The following NOC3L variants were observed in gnomAD, a reference collection of about 807,000 sequenced individuals.
NOC3L encodes nucleolar complex protein 3 homolog.
In NOC3L, 85 loss-of-function variants were observed where a neutral mutation model predicts 102.5. The ratio of observed to expected loss-of-function variants is 0.83; its 90% confidence interval spans 0.70 to 0.99. The LOEUF (loss-of-function observed/expected upper bound fraction) is 0.99. Ranked by LOEUF, NOC3L falls within the 50% of genes least tolerant of loss-of-function variation. The probability of loss-of-function intolerance (pLI) is 0.00; values close to 1 mark genes in which losing one functional copy is unlikely to be tolerated. For missense variants in NOC3L, 878 were observed against 914.9 expected (o/e 0.96, Z 0.52); for synonymous variants, 303 against 309.4 (o/e 0.98, Z 0.22).
chr10:94,344,994 G>C (rs1439646752), intron 11 of NOC3L, 61 bp from the exon 12 acceptor site: 5 of 1,151,616 alleles, frequency 4.3e-6, no homozygotes, highest in East Asian at 2.4e-5. Flanking sequence ...AAAAAGCAGA[G>C]GCAGAATACG....
chr10:94,341,075 A>T (rs1244568776), intron 14 of NOC3L, among the ~76,000 whole-genome samples: 1 of 151,952 alleles, frequency 6.6e-6, no homozygotes, highest in African/African-American at 2.4e-5. Flanking sequence ...AAAAGGCTAA[A>T]GTGGGAGGAT....
In NOC3L at chr10:94,345,721, T is replaced by C. The variant is rs1589570158; in HGVS notation, c.1389+704A>G. On this transcript the variant is annotated intron_variant, in intron 11 of 20. Transcript: ENST00000371361. ...TAAGTCTATTTTGATACTTCCATCA[T>C]GTTTTCAAAATTAGACCCATTCAAA... Among the ~76,000 whole-genome samples, 4 of 152,180 alleles carry C rather than the reference T, an allele frequency of 2.6e-5. No homozygotes were observed. In the South Asian group the frequency reaches 8.3e-4, roughly 31 times the overall value.
intron 14 of NOC3L, among the ~76,000 whole-genome samples, chr10:94,341,102 G>A (rs1331702180): frequency 1.3e-5 from 2 of 151,970 alleles, no homozygotes; most frequent in East Asian, 1.9e-4. Context: ...AGCCCTGGAA[G>A]GTCAAGGCTG....
At chr10:94,354,708 C>T (rs1456228817) in intron 6 of NOC3L, among the ~76,000 whole-genome samples, 2 of 152,068 alleles carry the variant, frequency 1.3e-5, no homozygotes, top group African/African-American at 4.8e-5. Flanking sequence ...ATAAGATGTC[C>T]AGTATTTTCA....
chr10:94,355,792 C>G (rs1439780407), intron 5 of NOC3L, among the ~76,000 whole-genome samples: 1 of 151,940 alleles, frequency 6.6e-6, no homozygotes, highest in South Asian at 2.1e-4. Flanking sequence ...ACAGAATATT[C>G]TCCTTTGTTT....
chr10:94,361,823 C>G lies in NOC3L; in HGVS notation c.59G>C (p.Ser20Thr). 1 of 1,613,676 alleles carries G rather than the reference C, an allele frequency of 6.2e-7. No individual in the cohort carries two copies. The highest frequency in any genetic ancestry group is 1.1e-5 in the South Asian group (1 of 91,014). Residue 20 changes from serine to threonine, a missense_variant, in exon 2 of 21, where the codon AGT becomes ACT. Transcript: ENST00000371361. ...TAGCTTGTTTTCAAGTTTGACTTTA[C>G]TAGTTTTTATTAACTTGCGAAAGCT... ...IPSFRKLIKT[S>T]KVKLENKLKN...
intron 13 of NOC3L, among the ~76,000 whole-genome samples, chr10:94,343,124 CTACA>C (rs1278031280): frequency 6.6e-6 from 1 of 151,034 alleles, no homozygotes; most frequent in Non-Finnish European, 1.5e-5. Context: ...CGCAGACAGA[CTACA>C]TACATATATA....
chr10:94,360,731 G>T (rs2054543095), intron 2 of NOC3L, among the ~76,000 whole-genome samples: 1 of 152,072 alleles, frequency 6.6e-6, no homozygotes, highest in South Asian at 2.1e-4. Context: ...AAAGATAAAT[G>T]CTTGAGGTGA....
the NOC3L span, among the ~76,000 whole-genome samples, chr10:94,323,333 T>A: frequency 6.6e-6 from 1 of 152,232 alleles, no homozygotes; most frequent in Non-Finnish European, 1.5e-5. Context: ...AGACCCTAGA[T>A]CAAGCTGTGT....
chr10:94,354,749 G>C (rs1484067478), intron 6 of NOC3L, among the ~76,000 whole-genome samples: 1 of 152,166 alleles, frequency 6.6e-6, no homozygotes, highest in African/African-American at 2.4e-5. Flanking sequence ...AAGATTCAGA[G>C]AGTTTAAGTA....
rs924000105 is a variant in NOC3L at position 94,358,011 on chromosome 10, C to T, written c.350+72G>A. 5.4e-6 allele frequency: 5 copies of T among 921,490 alleles called. No individual in the cohort carries two copies. In the African/African-American group the frequency reaches 6.6e-5, roughly 12 times the overall value. The allele number at this position is 921,490 out of a possible 1,614,324, so 57.1% of individuals were successfully genotyped here. On this transcript the variant is annotated intron_variant, in intron 3 of 20. Coordinates refer to ENST00000371361, the MANE Select transcript of NOC3L (RefSeq NM_022451.11). ...CTCAAAGGTGAACACCTTGAACCAC[C>T]TAAGTGAAATTCAGAACCAAGTTTT...
intron 11 of NOC3L, 35 bp from the exon 12 acceptor site, chr10:94,344,968 A>T: frequency 6.7e-7 from 1 of 1,483,812 alleles, no homozygotes; most frequent in Non-Finnish European, 9.3e-7. Context: ...ATCTAAGAGC[A>T]TATACCACAG....
chr10:94,354,658 T>A (rs1344586066), intron 6 of NOC3L, among the ~76,000 whole-genome samples: 1 of 152,210 alleles, frequency 6.6e-6, no homozygotes, highest in South Asian at 2.1e-4. Context: ...AGGTTCCTCC[T>A]CCCTAATACA....
At chr10:94,344,582 G>A (rs2054322220) in intron 12 of NOC3L, 67 bp from the exon 13 acceptor site, 1 of 1,108,004 alleles carries the variant, frequency 9.0e-7, no homozygotes, top group South Asian at 1.4e-5. Context: ...GTGAGCATAA[G>A]TATCACTTCA....
intron 9 of NOC3L, 119 bp from the exon 10 acceptor site, chr10:94,349,497 G>A: frequency 2.5e-6 from 2 of 785,732 alleles, no homozygotes; most frequent in Non-Finnish European, 3.7e-6. Flanking sequence ...AGCCTCCATG[G>A]ACTTTCTCCA....
the NOC3L span, among the ~76,000 whole-genome samples, chr10:94,327,574 T>C: frequency 6.6e-6 from 1 of 152,234 alleles, no homozygotes; most frequent in Non-Finnish European, 1.5e-5. Flanking sequence ...TTCCACTTTT[T>C]AGGTAACATA....
At position 94,340,854 on chromosome 10, in the gene NOC3L, G is replaced by A. The variant is rs1314293603; in HGVS notation, c.1645-358C>T. Among the ~76,000 whole-genome samples, 6 of 152,006 alleles carry A rather than the reference G, an allele frequency of 3.9e-5. No individual in the cohort carries two copies. The East Asian group carries it at 1.2e-3, about 29-fold the overall frequency. ...AAATTAACCGGGCATGGTGGTGGGC[G>A]CCTGTAGTCCCAGCTACTCGGGAGG... On this transcript the variant is annotated intron_variant, in intron 14 of 20. Transcript: ENST00000371361.
the NOC3L span, chr10:94,324,657 G>C: frequency 8.5e-6 from 10 of 1,171,646 alleles, no homozygotes; most frequent in Middle Eastern, 2.2e-4. Context: ...TGAAATTTAG[G>C]AGAAAGTTCC....
At chr10:94,357,999 A>C in intron 3 of NOC3L, 84 bp downstream of exon 3, 1 of 806,650 alleles carries the variant, frequency 1.2e-6, no homozygotes, top group Non-Finnish European at 2.1e-6. Context: ...AAAGGTGAAC[A>C]CCTTGAACCA....
Sources: allele counts gnomAD v4.1 joint callset (sites outside exome capture counted in the v4.1 genomes callset), GRCh38; gene constraint gnomAD v4.1.1; transcripts MANE v1.5; gene names NCBI Gene and HGNC (gene_info 2026-07-23, HGNC 2026-07-21).